RANBP9: variants seen among roughly 807,000 people sequenced by gnomAD.
RANBP9 encodes the protein ran-binding protein 9.
In RANBP9, 15 loss-of-function variants were observed where a neutral mutation model predicts 84.3. The ratio of observed to expected loss-of-function variants is 0.18; its 90% CI spans 0.12 to 0.27. RANBP9 has a LOEUF of 0.27. RANBP9 is among the 10% of genes least tolerant of loss of function. The pLI is 1.00. For synonymous variants in RANBP9, 392 were observed against 349.6 expected, an observed-to-expected ratio of 1.12 and a Z score of -1.35; for missense variants, 809 against 912.8, an observed-to-expected ratio of 0.89 and a Z score of 1.46.
chr6:13,642,412 T>C lies in RANBP9; in HGVS notation c.1225+67A>G, dbSNP rs1262655948. On this transcript the variant is annotated intron_variant, in intron 7 of 13. Coordinates refer to ENST00000011619, the MANE Select transcript of RANBP9 (RefSeq NM_005493.3). Reference sequence around the variant, plus strand: ...TTTTTAATTAAAAAAACAAAATTTCTAAAAATTAAAGTAACCAAATCTATA... The same window carrying C: ...TTTTTAATTAAAAAAACAAAATTTCCAAAAATTAAAGTAACCAAATCTATA... The C allele has an allele frequency of 5.0e-5, 46 of 925,230 alleles. No homozygotes were observed. The East Asian group carries it at 1.4e-3, about 29-fold the overall frequency. The allele number at this position is 925,230 out of a possible 1,614,324, so 57.3% of individuals were successfully genotyped here. A position where few individuals can be genotyped will look rare whatever the true frequency, so the allele number is the denominator to read the frequency against.
chr6:13,624,792 C>CT (rs1764553455), intron 13 of RANBP9, among the ~76,000 whole-genome samples: 1 of 152,200 alleles, frequency 6.6e-6, no homozygotes, highest in Admixed American at 6.5e-5. Context: ...CTCACCCACC[C>CT]TTTTTATTGG....
Position 13,697,801 on chromosome 6 carries a change from T to C in RANBP9, c.572-905A>G, listed in dbSNP as rs535208458. ...AGAGTATGAGTGAGACAAGTCTCCATATCCCCAAAAGGACTGCATGAGAAA... is the reference window on the plus strand; with the variant it reads ...AGAGTATGAGTGAGACAAGTCTCCACATCCCCAAAAGGACTGCATGAGAAA... On this transcript the variant is annotated intron_variant, in intron 1 of 13. Transcript: ENST00000011619. Among the ~76,000 whole-genome samples, 6 of 152,348 alleles carry C rather than the reference T, an allele frequency of 3.9e-5. No individual in the cohort carries two copies. In the South Asian group the frequency reaches 1.0e-3, roughly 26 times the overall value.
intron 4 of RANBP9, among the ~76,000 whole-genome samples, chr6:13,656,426 G>T (rs1390384625): frequency 1.3e-5 from 2 of 151,718 alleles, no homozygotes. Flanking sequence ...CTAAGAAAAT[G>T]GAATATAATG....
chr6:13,658,180 T>C (rs1765452022), intron 3 of RANBP9, among the ~76,000 whole-genome samples: 1 of 152,166 alleles, frequency 6.6e-6, no homozygotes, highest in African/African-American at 2.4e-5. Flanking sequence ...GTAGCCAATA[T>C]AACTAGCCAC....
chr6:13,667,653 G>A (rs778009411), intron 2 of RANBP9, among the ~76,000 whole-genome samples: 9 of 151,880 alleles, frequency 5.9e-5, no homozygotes, highest in Non-Finnish European at 1.0e-4. Flanking sequence ...CAAAACCATT[G>A]TGTTACAATT....
chr6:13,670,471 T>A (rs530439562), intron 2 of RANBP9, among the ~76,000 whole-genome samples: 1 of 151,812 alleles, frequency 6.6e-6, no homozygotes, highest in Non-Finnish European at 1.5e-5. Flanking sequence ...CTCTTAGATA[T>A]GACATCAGAA....
chr6:13,650,798 AC>A (rs1167565544), intron 5 of RANBP9, among the ~76,000 whole-genome samples: 2 of 152,138 alleles, frequency 1.3e-5, no homozygotes, highest in Non-Finnish European at 2.9e-5. Context: ...CCCCGTCTCT[AC>A]CAAAAATACA....
In RANBP9 at chr6:13,711,114, G is replaced by A. The variant is rs1758267539; in HGVS notation, c.392C>T (p.Ala131Val). Residue 131 changes from alanine (A) to valine (V), a missense_variant, in exon 1 of 14, where the codon GCC becomes GTC. Ala to Val is a moderately conservative substitution (Grantham distance 64). This residue lies in a region of RANBP9 where 302 missense variants were observed against 240.1 expected (regional missense o/e 1.26). Coordinates refer to ENST00000011619, the MANE Select transcript of RANBP9 (RefSeq NM_005493.3). ...PALVAGSSAA[A>V]PFPHGDSALN... ...GGCCGAGTCCCCGTGAGGGAAGGGGGCCGCGGCGCTGCTGCCCGCCACCAG... is the reference window on the plus strand; with the variant it reads ...GGCCGAGTCCCCGTGAGGGAAGGGGACCGCGGCGCTGCTGCCCGCCACCAG... 4 of 1,554,198 alleles carry A rather than the reference G, an allele frequency of 2.6e-6. No individual in the cohort carries two copies. Among genetic ancestry groups the A allele is most frequent in the South Asian group, 1.2e-5 (1 of 85,072 alleles).
chr6:13,632,880 T>G (rs533775491), intron 11 of RANBP9: 1 of 158,808 alleles, frequency 6.3e-6, no homozygotes, highest in African/African-American at 2.5e-5. Flanking sequence ...ATAATGCCAC[T>G]CAGGCTGCCT....
At chr6:13,637,538 T>C (rs1387463257) in intron 10 of RANBP9, among the ~76,000 whole-genome samples, 3 of 152,178 alleles carry the variant, frequency 2.0e-5, no homozygotes, top group Non-Finnish European at 4.4e-5. Flanking sequence ...AGGAAGACAA[T>C]GCATGAAGCC....
chr6:13,628,469 TAA>T (rs1364687047), intron 12 of RANBP9, among the ~76,000 whole-genome samples: 1 of 152,130 alleles, frequency 6.6e-6, no homozygotes, highest in Non-Finnish European at 1.5e-5. Flanking sequence ...AAAAACATAC[TAA>T]AAAGCTTCAA....
At chr6:13,652,115 T>C (rs1294776782) in intron 5 of RANBP9, among the ~76,000 whole-genome samples, 1 of 152,238 alleles carries the variant, frequency 6.6e-6, no homozygotes, top group Non-Finnish European at 1.5e-5. Context: ...TGTCCTACCG[T>C]TGGTATTCCC....
In RANBP9 at chr6:13,621,714, A is replaced by G. The variant is rs988392412; in HGVS notation, c.*648T>C. 1.3e-5 allele frequency: 2 copies of G among 152,676 alleles called. No homozygotes were observed. Among genetic ancestry groups the G allele is most frequent in the African/African-American group, 4.8e-5 (2 of 41,466 alleles). 9.5% of individuals were successfully genotyped at this position (152,676 alleles called of 1,614,324 possible). Reference sequence around the variant, plus strand: ...ACAACAGTTAAACTTGTGAGTCTACAACAGAAGTCATCTGTAGTTAAACAG... The same window carrying G: ...ACAACAGTTAAACTTGTGAGTCTACGACAGAAGTCATCTGTAGTTAAACAG... On this transcript the variant is annotated 3_prime_UTR_variant, in exon 14 of 14. Transcript: ENST00000011619.
intron 2 of RANBP9, among the ~76,000 whole-genome samples, chr6:13,664,573 G>A (rs1198613249): frequency 6.6e-6 from 1 of 152,044 alleles, no homozygotes; most frequent in African/African-American, 2.4e-5. Context: ...TCAGTAAGAT[G>A]ACTATAGTTC....
At chr6:13,707,225 C>A (rs1230248049) in intron 1 of RANBP9, among the ~76,000 whole-genome samples, 1 of 152,002 alleles carries the variant, frequency 6.6e-6, no homozygotes, top group Non-Finnish European at 1.5e-5. Flanking sequence ...CACTATGTTG[C>A]CCAGGCTGGT....
chr6:13,674,155 T>C (rs1397056011), intron 2 of RANBP9, among the ~76,000 whole-genome samples: 1 of 151,100 alleles, frequency 6.6e-6, no homozygotes, highest in Non-Finnish European at 1.5e-5. Context: ...ACAAATATGG[T>C]AGACACTAAA....
chr6:13,627,301 C>T (rs1222890951), intron 12 of RANBP9, among the ~76,000 whole-genome samples: 6 of 152,112 alleles, frequency 3.9e-5, no homozygotes, highest in Non-Finnish European at 8.8e-5. Context: ...ATATATGACC[C>T]TTTATCCTGT....
chr6:13,692,201 C>T (rs1212532560), intron 2 of RANBP9, among the ~76,000 whole-genome samples: 2 of 151,746 alleles, frequency 1.3e-5, no homozygotes, highest in Non-Finnish European at 2.9e-5. Context: ...GAACTTTGTT[C>T]GACACGTTTA....
intron 1 of RANBP9, among the ~76,000 whole-genome samples, chr6:13,702,966 C>A (rs1758012521): frequency 6.6e-6 from 1 of 152,208 alleles, no homozygotes; most frequent in Non-Finnish European, 1.5e-5. Flanking sequence ...TCCTACTAAA[C>A]CTATCTGTTG....
Sources: allele counts gnomAD v4.1 joint callset (sites outside exome capture counted in the v4.1 genomes callset), GRCh38; gene constraint gnomAD v4.1.1; regional missense constraint gnomAD v4.1.1; transcripts MANE v1.5; gene names NCBI Gene and HGNC (gene_info 2026-07-23, HGNC 2026-07-21).